Variants in LOXL1 observed in about 807,000 individuals in gnomAD.
LOXL1 encodes lysyl oxidase like 1, also known as lysyl oxidase homolog 1.
LOXL1 carries 31 observed loss-of-function variants against 62.2 expected under a neutral mutation model. The ratio of observed to expected loss-of-function variants is 0.50; its 90% CI spans 0.37 to 0.67. LOXL1 has a LOEUF of 0.67. LOXL1 is among the 30% of genes least tolerant of loss of function. The pLI, the probability that LOXL1 is intolerant of heterozygous loss-of-function variation, is 0.00. For synonymous variants in LOXL1, 403 were observed against 384.4 expected, an observed-to-expected ratio of 1.05 and a Z score of -0.56; for missense variants, 775 against 843.4, an observed-to-expected ratio of 0.92 and a Z score of 1.00.
At chr15:73,928,455 C>A (rs1462050954) in intron 1 of LOXL1, among the ~76,000 whole-genome samples, 1 of 152,126 alleles carries the variant, frequency 6.6e-6, no homozygotes. Context: ...AGGCAGGAGT[C>A]CGGACTTCCT....
At chr15:73,951,546 A>C (rs575067607) in intron 6 of LOXL1, among the ~76,000 whole-genome samples, 1 of 152,092 alleles carries the variant, frequency 6.6e-6, no homozygotes, top group African/African-American at 2.4e-5. Context: ...AAAACAAGAA[A>C]GTATTTCCAG....
intron 3 of LOXL1, 136 bp from the exon 4 acceptor site, chr15:73,946,931 G>A: frequency 1.0e-6 from 1 of 970,730 alleles, no homozygotes; most frequent in East Asian, 2.7e-5. Flanking sequence ...GCAGTACTCA[G>A]GAGACAGGAG....
chr15:73,938,423 T>C (rs2068691176), intron 1 of LOXL1, among the ~76,000 whole-genome samples: 1 of 144,170 alleles, frequency 6.9e-6, no homozygotes, highest in Middle Eastern at 3.6e-3. Flanking sequence ...CCTTAAAAGT[T>C]TACATGGACT....
At position 73,927,411 on chromosome 15, in the gene LOXL1, G is replaced by A. The variant is rs764871428; in HGVS notation, c.628G>A (p.Gly210Ser). The change falls in exon 1 of 7, where the codon GGC becomes AGC. Residue 210 changes from glycine to serine, a missense_variant. By Grantham distance (56) the Gly-to-Ser change is moderately conservative (BLOSUM62 0). Transcript: ENST00000261921. The stretch of plus-strand genomic sequence containing the variant: ...TTTCGTGTACTACCGGCCCGCGGGC[G>A]GCGGCGTGGGCGCGGGGGCGGCGGC... The part of the protein sequence containing the change: ...QGFVYYRPAG[G>S]GVGAGAAAVA... The A allele has an allele frequency of 2.0e-6, 3 of 1,532,290 alleles. No homozygotes were observed. Among genetic ancestry groups the A allele is most frequent in the Non-Finnish European group, 2.6e-6 (3 of 1,142,178 alleles). The allele number at this position is 1,532,290 out of a possible 1,614,324, so 94.9% of individuals were successfully genotyped here.
chr15:73,933,593 G>A (rs2068650176), intron 1 of LOXL1, among the ~76,000 whole-genome samples: 1 of 152,314 alleles, frequency 6.6e-6, no homozygotes. Context: ...AACCTCAGGG[G>A]TCCTCACTGC....
At chr15:73,940,806 A>G (rs545702472) in intron 1 of LOXL1, among the ~76,000 whole-genome samples, 2 of 152,362 alleles carry the variant, frequency 1.3e-5, no homozygotes, top group African/African-American at 4.8e-5. Flanking sequence ...GGCCAGGAAC[A>G]GCATTGGCCC....
chr15:73,937,617 G>C (rs1415742068), intron 1 of LOXL1, among the ~76,000 whole-genome samples: 2 of 152,236 alleles, frequency 1.3e-5, no homozygotes, highest in African/African-American at 4.8e-5. Flanking sequence ...GAGTCAGGTG[G>C]AGGACAATTA....
rs1595850824 is a variant in LOXL1 at position 73,951,915 on chromosome 15, C to T, written c.*78C>T. ...CCCCGGGCAGCCTCCCGCCGAGGGG[C>T]CCAGCCCCCAACCCACAGGCACGGA... is the stretch of plus-strand genomic sequence containing the variant. On this transcript the variant is annotated 3_prime_UTR_variant, in exon 7 of 7. Transcript: ENST00000261921. 3.7e-6 allele frequency: 5 copies of T among 1,334,662 alleles called. No homozygotes were observed. Among genetic ancestry groups the T allele is most frequent in the Non-Finnish European group, 4.9e-6 (5 of 1,018,070 alleles). 82.7% of individuals were successfully genotyped at this position (1,334,662 alleles called of 1,614,324 possible). A position where few individuals can be genotyped will look rare whatever the true frequency, so the allele number is the denominator to read the frequency against.
chr15:73,927,744 T>C lies in LOXL1; in HGVS notation c.961T>C (p.Tyr321His), dbSNP rs974415887. The change falls in exon 1 of 7, where the codon TAC becomes CAC. Residue 321 changes from tyrosine to histidine, a missense_variant. By Grantham distance (83) the Tyr-to-His change is moderately conservative. Coordinates refer to ENST00000261921, the MANE Select transcript of LOXL1 (RefSeq NM_005576.4). ...CTACGCCAACCCGCCGCCCGAGGCGTACGGGCCGCCGCGCGCGCTGGAGCC... is the reference window on the plus strand; with the variant it reads ...CTACGCCAACCCGCCGCCCGAGGCGCACGGGCCGCCGCGCGCGCTGGAGCC... ...PPYANPPPEA[Y>H]GPPRALEPPY... The C allele has an allele frequency of 7.6e-6, 11 of 1,455,576 alleles. No individual in the cohort carries two copies. Among genetic ancestry groups the C allele is most frequent in the Non-Finnish European group, 9.0e-6 (10 of 1,110,376 alleles). The allele number at this position is 1,455,576 out of a possible 1,614,324, so 90.2% of individuals were successfully genotyped here. A position where few individuals can be genotyped will look rare whatever the true frequency, so the allele number is the denominator to read the frequency against.
chr15:73,932,952 G>A lies in LOXL1; in HGVS notation c.1102+5067G>A, dbSNP rs116405215. On this transcript the variant is annotated intron_variant, in intron 1 of 6. Coordinates refer to ENST00000261921, the MANE Select transcript of LOXL1 (RefSeq NM_005576.4). ...CCTGTTTCTCCTTTGAGAGTCATCAGTGTCTGAACAAACAAGTGGAGTCCT... is the reference window on the plus strand; with the variant it reads ...CCTGTTTCTCCTTTGAGAGTCATCAATGTCTGAACAAACAAGTGGAGTCCT... 7.3e-3 allele frequency among the ~76,000 whole-genome samples: 1,116 copies of A among 152,312 alleles called. 19 individuals are homozygous for A. Among genetic ancestry groups the A allele is most frequent in the African/African-American group, 0.025 (1,046 of 41,574 alleles).
At position 73,951,921 on chromosome 15, in the gene LOXL1, C is replaced by T; in HGVS notation, c.*84C>T. ...GCAGCCTCCCGCCGAGGGGCCCAGC[C>T]CCCAACCCACAGGCACGGAGGGGCA... On this transcript the variant is annotated 3_prime_UTR_variant, in exon 7 of 7. Transcript: ENST00000261921. 1 of 1,304,012 alleles carries T rather than the reference C, an allele frequency of 7.7e-7. No homozygotes were observed. The highest frequency in any genetic ancestry group is 1.9e-5 in the South Asian group (1 of 52,462). The allele number at this position is 1,304,012 out of a possible 1,614,324, so 80.8% of individuals were successfully genotyped here. A position where few individuals can be genotyped will look rare whatever the true frequency, so the allele number is the denominator to read the frequency against.
At chr15:73,928,145 G>T in intron 1 of LOXL1, 1 of 384,236 alleles carries the variant, frequency 2.6e-6, no homozygotes, top group Non-Finnish European at 4.6e-6. Context: ...TGGCTTTGGT[G>T]GAGGGACTAG....
chr15:73,927,819 C>T lies in LOXL1; in HGVS notation c.1036C>T (p.Arg346Trp). 1 of 1,359,794 alleles carries T rather than the reference C, an allele frequency of 7.4e-7. No homozygotes were observed. The highest frequency in any genetic ancestry group is 9.4e-7 in the Non-Finnish European group (1 of 1,065,138). The allele number at this position is 1,359,794 out of a possible 1,614,324, so 84.2% of individuals were successfully genotyped here. The change falls in exon 1 of 7, where the codon CGG becomes TGG. Residue 346 changes from arginine (R) to tryptophan (W), a missense_variant. Transcript: ENST00000261921. ...CGACACGCCCCCGCCGGGTGGGGAG[C>T]GGAACGGCGCGCAGCAGGGCCGCCT... The part of the protein sequence containing the change: ...SSDTPPPGGE[R>W]NGAQQGRLSV...
chr15:73,948,561 G>C (rs958777204), intron 5 of LOXL1, among the ~76,000 whole-genome samples: 2 of 152,168 alleles, frequency 1.3e-5, no homozygotes, highest in Non-Finnish European at 2.9e-5. Context: ...CTCAGAAGCA[G>C]AAAAGCAGCT....
At position 73,930,970 on chromosome 15, in the gene LOXL1, G is replaced by T. The variant is rs2141622449; in HGVS notation, c.1102+3085G>T. The stretch of plus-strand genomic sequence containing the variant: ...CAGCTGGGTCTCCTGCACTGTGTCG[G>T]CTCCCTCGATGTGACCACTCCTGCT... On this transcript the variant is annotated intron_variant, in intron 1 of 6. Coordinates refer to ENST00000261921, the MANE Select transcript of LOXL1 (RefSeq NM_005576.4). This position sits in a 1 kb window ranked among gnomAD's most constrained non-coding sequence, Gnocchi z 4.7. Among the ~76,000 whole-genome samples the T allele has an allele frequency of 6.6e-6, 1 of 152,292 alleles. No individual in the cohort carries two copies. Among genetic ancestry groups the T allele is most frequent in the African/African-American group, 2.4e-5 (1 of 41,556 alleles).
rs972339955 is a variant in LOXL1, at chr15:73,930,752, G to GC, written c.1102+2870dup. 6.6e-6 allele frequency among the ~76,000 whole-genome samples: 1 copy of GC among 152,142 alleles called. No homozygotes were observed. The highest frequency in any genetic ancestry group is 1.5e-5 in the Non-Finnish European group (1 of 68,008). ...CCCAGTTTCTTCCTCGGGTACCTGT[G>GC]CCCTCTTCCTTCCTACCCTGGGCAC... On this transcript the variant is annotated intron_variant, in intron 1 of 6. Transcript: ENST00000261921. This position sits in a 1 kb window ranked among gnomAD's most constrained non-coding sequence, Gnocchi z 4.7.
At position 73,945,612 on chromosome 15, in the gene LOXL1, G is replaced by A. The variant is rs1037695026; in HGVS notation, c.1212-805G>A. Among the ~76,000 whole-genome samples, 3 of 152,134 alleles carry A rather than the reference G, an allele frequency of 2.0e-5. No individual in the cohort carries two copies. Among genetic ancestry groups the A allele is most frequent in the African/African-American group, 7.2e-5 (3 of 41,412 alleles). On this transcript the variant is annotated intron_variant, in intron 2 of 6. Coordinates refer to ENST00000261921, the MANE Select transcript of LOXL1 (RefSeq NM_005576.4). This position sits in a 1 kb window ranked among gnomAD's most constrained non-coding sequence, Gnocchi z 4.3. ...AGAGGCTTTGACCAGAGGACTTCACGTCTGTTTTTCAGGCCCACACCCAAG... is the reference window on the plus strand; with the variant it reads ...AGAGGCTTTGACCAGAGGACTTCACATCTGTTTTTCAGGCCCACACCCAAG...
intron 1 of LOXL1, chr15:73,941,890 C>G: frequency 4.9e-6 from 1 of 202,064 alleles, no homozygotes; most frequent in Middle Eastern, 4.8e-4. Context: ...CCTGCTCAGA[C>G]TCCTGCATGC....
rs550027169 is a variant in LOXL1, at chr15:73,936,179, C to T, written c.1103-6675C>T. Among the ~76,000 whole-genome samples, 3 of 152,168 alleles carry T rather than the reference C, an allele frequency of 2.0e-5. No individual in the cohort carries two copies. The South Asian group carries it at 6.2e-4, about 32-fold the overall frequency. ...CTTGATTCTGTGGGCAATGGGGAGC[C>T]ATTGAAGACCCTGGGCCTGGCTTGA... On this transcript the variant is annotated intron_variant, in intron 1 of 6. Transcript: ENST00000261921.
Sources: gnomAD v4.1 joint callset for allele counts (sites outside exome capture counted in the v4.1 genomes callset) on GRCh38, gnomAD v4.1.1 for gene constraint, Gnocchi (gnomAD v3.1) non-coding constraint, MANE v1.5 for transcripts, NCBI Gene and HGNC (gene_info 2026-07-23, HGNC 2026-07-21) for gene names.